Variants in ZNF438 observed in about 807,000 individuals in gnomAD.
ZNF438 encodes the protein zinc finger protein 438.
A neutral mutation model predicts 38.0 loss-of-function variants in ZNF438; 25 were observed. The ratio of observed to expected loss-of-function variants is 0.66; its 90% CI spans 0.48 to 0.92. ZNF438 has a LOEUF of 0.92. Ranked by LOEUF, ZNF438 falls within the 40% of genes least tolerant of loss-of-function variation. The pLI is 0.00. For synonymous variants in ZNF438, 372 were observed against 364.1 expected, an observed-to-expected ratio of 1.02 and a Z score of -0.25; for missense variants, 1,007 against 999.6, an observed-to-expected ratio of 1.01 and a Z score of -0.10.
chr10:30,999,944 CTTTA>C (rs2054476080), intron 1 of ZNF438, among the ~76,000 whole-genome samples: 1 of 152,014 alleles, frequency 6.6e-6, no homozygotes, highest in Non-Finnish European at 1.5e-5. Flanking sequence ...GGTATATTTT[CTTTA>C]TTTGTCTTTT....
chr10:30,889,187 C>T (rs2040362966), intron 3 of ZNF438, among the ~76,000 whole-genome samples: 1 of 152,048 alleles, frequency 6.6e-6, no homozygotes, highest in South Asian at 2.1e-4. Context: ...TCAATCTGTC[C>T]CATTTCAGAA....
At chr10:30,938,094 A>G (rs553935750) in intron 2 of ZNF438, among the ~76,000 whole-genome samples, 5 of 152,288 alleles carry the variant, frequency 3.3e-5, no homozygotes, top group Admixed American at 1.3e-4. Flanking sequence ...CTTTAAAAAT[A>G]TCTATGGATG....
chr10:30,926,276 T>C (rs970327366), intron 2 of ZNF438, among the ~76,000 whole-genome samples: 6 of 152,186 alleles, frequency 3.9e-5, no homozygotes, highest in Admixed American at 3.3e-4. Context: ...GTATGTAAGT[T>C]ATAGCTCAAT....
chr10:30,972,811 C>G (rs558465558), intron 1 of ZNF438, among the ~76,000 whole-genome samples: 2 of 152,312 alleles, frequency 1.3e-5, no homozygotes, highest in Admixed American at 1.3e-4. Flanking sequence ...GGAGGCCATG[C>G]AATCTCTTTT....
intron 1 of ZNF438, among the ~76,000 whole-genome samples, chr10:30,970,519 TA>T (rs2050628077): frequency 6.6e-6 from 1 of 152,220 alleles, no homozygotes; most frequent in African/African-American, 2.4e-5. Flanking sequence ...AGCTCAGACT[TA>T]AAACTCTCTG....
chr10:30,900,583 C>G lies in ZNF438; in HGVS notation c.-32+8350G>C, dbSNP rs559483168. Among the ~76,000 whole-genome samples, 64 of 152,222 alleles carry G rather than the reference C, an allele frequency of 4.2e-4. 1 individual carries two copies. Among genetic ancestry groups the G allele is most frequent in the African/African-American group, 1.5e-3 (63 of 41,536 alleles). ...CTAATTTCTTTAATTCTCATCACAG[C>G]CTTGGGATGGATATTTTATGATCCC... On this transcript the variant is annotated intron_variant, in intron 3 of 5. Coordinates refer to ENST00000413025, the Ensembl canonical transcript of ZNF438.
At chr10:30,897,147 A>G (rs2041452965) in intron 3 of ZNF438, among the ~76,000 whole-genome samples, 1 of 152,208 alleles carries the variant, frequency 6.6e-6, no homozygotes, top group South Asian at 2.1e-4. Flanking sequence ...GTAAAGGAAT[A>G]TCTTCTTAGC....
chr10:30,958,742 C>T (rs528883611), intron 1 of ZNF438, among the ~76,000 whole-genome samples: 2 of 146,900 alleles, frequency 1.4e-5, no homozygotes, highest in African/African-American at 2.4e-5. Context: ...CCCCTAGTTC[C>T]CCTCTAATCT....
intron 3 of ZNF438, among the ~76,000 whole-genome samples, chr10:30,880,531 C>T (rs2039104768): frequency 6.6e-6 from 1 of 151,762 alleles, no homozygotes; most frequent in African/African-American, 2.4e-5. Flanking sequence ...AATTCTTAGA[C>T]CTCTAGGCCC....
At chr10:30,857,730 T>C in intron 4 of ZNF438, 5 of 1,489,512 alleles carry the variant, frequency 3.4e-6, no homozygotes, top group Non-Finnish European at 4.5e-6. Context: ...ATTTGGAGAA[T>C]GTGCAACGTG....
At chr10:30,912,370 A>G (rs2043172584) in intron 2 of ZNF438, among the ~76,000 whole-genome samples, 1 of 152,112 alleles carries the variant, frequency 6.6e-6, no homozygotes, top group Admixed American at 6.6e-5. Flanking sequence ...CTTCTTTTAT[A>G]TCAACCAGAA....
rs145057230 is a variant in ZNF438, at chr10:30,953,492, A to G, written c.-191-11841T>C. 5.8e-3 allele frequency among the ~76,000 whole-genome samples: 881 copies of G among 152,018 alleles called. 9 individuals carry two copies. Among genetic ancestry groups the G allele is most frequent in the African/African-American group, 0.02 (849 of 41,522 alleles). ...ATCATTAAGAAAACTGGAGGGAGCT[A>G]TATTACTAGCCAATAAAATAAACTT... On this transcript the variant is annotated intron_variant, in intron 1 of 5. Transcript: ENST00000413025.
chr10:30,970,147 T>C (rs984299569), intron 1 of ZNF438, among the ~76,000 whole-genome samples: 5 of 147,028 alleles, frequency 3.4e-5, no homozygotes, highest in African/African-American at 1.0e-4. Context: ...CACACACATA[T>C]ACACACACAC....
chr10:30,894,990 A>C (rs1417053789), intron 3 of ZNF438, among the ~76,000 whole-genome samples: 2 of 152,272 alleles, frequency 1.3e-5, no homozygotes, highest in African/African-American at 4.8e-5. Context: ...CCTTACAACA[A>C]AAATTTCTAA....
intron 2 of ZNF438, among the ~76,000 whole-genome samples, chr10:30,909,977 A>C (rs998429572): frequency 6.6e-6 from 1 of 152,156 alleles, no homozygotes; most frequent in Non-Finnish European, 1.5e-5. Context: ...ATGGCAGGTA[A>C]ATATATTCTT....
At chr10:30,969,305 C>T (rs1261358893) in intron 1 of ZNF438, among the ~76,000 whole-genome samples, 1 of 152,170 alleles carries the variant, frequency 6.6e-6, no homozygotes, top group Non-Finnish European at 1.5e-5. Context: ...ACATAGTCTG[C>T]TTCAACCAAC....
At chr10:30,979,986 T>C (rs1369528591) in intron 1 of ZNF438, among the ~76,000 whole-genome samples, 4 of 152,240 alleles carry the variant, frequency 2.6e-5, no homozygotes, top group African/African-American at 9.6e-5. Flanking sequence ...TCTCTAAATC[T>C]ACCTCCACTG....
At position 30,939,709 on chromosome 10, in the gene ZNF438, A is replaced by C. The variant is rs1403709966; in HGVS notation, c.-115+1866T>G. Among the ~76,000 whole-genome samples the C allele has an allele frequency of 3.3e-5, 5 of 152,240 alleles. No homozygotes were observed. In the South Asian group the frequency reaches 8.3e-4, roughly 25 times the overall value. On this transcript the variant is annotated intron_variant, in intron 2 of 5. Coordinates refer to ENST00000413025, the Ensembl canonical transcript of ZNF438. ...TGATGGGAGAGTATCCAATGCTGTCAGAGGTCCAGCTCAGACTCTCCTACT... is the reference window on the plus strand; with the variant it reads ...TGATGGGAGAGTATCCAATGCTGTCCGAGGTCCAGCTCAGACTCTCCTACT...
intron 1 of ZNF438, among the ~76,000 whole-genome samples, chr10:30,981,019 T>C (rs1043914434): frequency 3.3e-5 from 5 of 152,212 alleles, no homozygotes; most frequent in Non-Finnish European, 1.5e-5. Context: ...ATCCCTGGTC[T>C]CTGGCATGTG....
Sources: allele counts gnomAD v4.1 joint callset (sites outside exome capture counted in the v4.1 genomes callset), GRCh38; gene constraint gnomAD v4.1.1; transcripts MANE v1.5; gene names NCBI Gene and HGNC (gene_info 2026-07-23, HGNC 2026-07-21).